Variants in ZNF76 observed in about 807,000 individuals in gnomAD.
ZNF76 encodes zinc finger protein 523.
In ZNF76, 66 loss-of-function variants were observed where a neutral mutation model predicts 66.9. That is an observed-to-expected ratio of 0.99 (90% CI 0.81 to 1.21). ZNF76 has a LOEUF of 1.21. Ranked by LOEUF, ZNF76 falls within the 50% of genes most tolerant of loss-of-function variation. The probability of loss-of-function intolerance (pLI) is 0.00; values close to 1 mark genes in which losing one functional copy is unlikely to be tolerated. For missense variants in ZNF76, 729 were observed against 760.3 expected, an observed-to-expected ratio of 0.96 and a Z score of 0.48; for synonymous variants, 275 against 296.1, an observed-to-expected ratio of 0.93 and a Z score of 0.73.
chr6:35,259,890 C>T (rs976265342), intron 1 of ZNF76, 49 bp downstream of exon 1: 1 of 152,180 alleles, frequency 6.6e-6, no homozygotes, highest in Non-Finnish European at 1.5e-5. Flanking sequence ...GGCGGGAGGC[C>T]GGGCGGGCGC....
chr6:35,261,223 G>A (rs1785205431), intron 1 of ZNF76, among the ~76,000 whole-genome samples: 1 of 152,236 alleles, frequency 6.6e-6, no homozygotes, highest in Non-Finnish European at 1.5e-5. Context: ...TGTTAGAAAT[G>A]AGAAGCTGCT....
intron 1 of ZNF76, among the ~76,000 whole-genome samples, chr6:35,271,626 C>G (rs1787068076): frequency 6.6e-6 from 1 of 150,594 alleles, no homozygotes; most frequent in Non-Finnish European, 1.5e-5. Flanking sequence ...GCTGAGATTG[C>G]ACCACTGCAC....
intron 1 of ZNF76, among the ~76,000 whole-genome samples, chr6:35,266,569 C>T (rs1786115917): frequency 6.6e-6 from 1 of 152,114 alleles, no homozygotes; most frequent in Non-Finnish European, 1.5e-5. Context: ...GAGTAAGCAG[C>T]TGGATATTCA....
chr6:35,265,719 G>A (rs1785946050), intron 1 of ZNF76, among the ~76,000 whole-genome samples: 1 of 151,942 alleles, frequency 6.6e-6, no homozygotes, highest in South Asian at 2.1e-4. Context: ...GCAGGAATGT[G>A]CCCTATATAT....
At chr6:35,272,820 G>A (rs1285393790) in intron 1 of ZNF76, among the ~76,000 whole-genome samples, 3 of 151,950 alleles carry the variant, frequency 2.0e-5, no homozygotes, top group Non-Finnish European at 2.9e-5. Context: ...TTGTAGAGAC[G>A]GTGTCTGCAC....
chr6:35,284,745 C>G (rs532928899), intron 2 of ZNF76, among the ~76,000 whole-genome samples: 10 of 151,992 alleles, frequency 6.6e-5, no homozygotes, highest in South Asian at 2.1e-4. Flanking sequence ...GGGTCTTACT[C>G]TGTCACCCAG....
Position 35,293,916 on chromosome 6 carries a change from G to C in ZNF76, c.1494+1G>C. 6.2e-7 allele frequency: 1 copy of C among 1,613,434 alleles called. No homozygotes were observed. Among genetic ancestry groups the C allele is most frequent in the South Asian group, 1.1e-5 (1 of 90,992 alleles). On this transcript the variant is annotated splice_donor_variant, in intron 12 of 13. Coordinates refer to ENST00000373953, the MANE Select transcript of ZNF76 (RefSeq NM_003427.5). LOFTEE classifies it high-confidence loss of function. ...CGCCGATGGCACCCAGACGCAGCCC[G>C]TATGACCAGGCGGTTTGCTTGGGGT... is the stretch of plus-strand genomic sequence containing the variant.
At chr6:35,284,430 A>C (rs1241990722) in intron 2 of ZNF76, among the ~76,000 whole-genome samples, 1 of 148,674 alleles carries the variant, frequency 6.7e-6, no homozygotes, top group Non-Finnish European at 1.5e-5. Flanking sequence ...ACAGGACCTC[A>C]CTCTGTCACC....
intron 11 of ZNF76, among the ~76,000 whole-genome samples, 199 bp downstream of exon 11, chr6:35,293,243 C>G (rs2150378775): frequency 6.6e-6 from 1 of 152,346 alleles, no homozygotes; most frequent in African/African-American, 2.4e-5. Flanking sequence ...AGCTCAGTCT[C>G]TGGGGCTTCT....
At position 35,290,683 on chromosome 6, in the gene ZNF76, G is replaced by A; in HGVS notation, c.592G>A (p.Asp198Asn). 6 of 1,614,214 alleles carry A rather than the reference G, an allele frequency of 3.7e-6. No homozygotes were observed. Among genetic ancestry groups the A allele is most frequent in the Non-Finnish European group, 3.4e-6 (4 of 1,180,028 alleles). Residue 198 changes from aspartate (D) to asparagine (N), a missense_variant, in exon 7 of 14, where the codon GAC becomes AAC. Coordinates refer to ENST00000373953, the MANE Select transcript of ZNF76 (RefSeq NM_003427.5). ...TACAGGTGACCGTCCATACAGATGT[G>A]ACTTCCCCAGCTGTGGAAAGGCCTT... ...AHTGDRPYRC[D>N]FPSCGKAFAT...
chr6:35,280,833 T>C (rs1788675121), intron 1 of ZNF76, among the ~76,000 whole-genome samples: 1 of 152,234 alleles, frequency 6.6e-6, no homozygotes, highest in African/African-American at 2.4e-5. Flanking sequence ...TTTCTTACTT[T>C]ATGACCAGTT....
intron 1 of ZNF76, among the ~76,000 whole-genome samples, chr6:35,275,621 C>G (rs1787782347): frequency 6.6e-6 from 1 of 152,134 alleles, no homozygotes; most frequent in Admixed American, 6.5e-5. Flanking sequence ...CAGTCAGGCT[C>G]TTTTGGAAGG....
chr6:35,277,483 G>A (rs981339284), intron 1 of ZNF76, among the ~76,000 whole-genome samples: 4 of 152,162 alleles, frequency 2.6e-5, no homozygotes, highest in African/African-American at 4.8e-5. Context: ...TCTGTGCTTC[G>A]CAGCATAGTA....
rs914962242 is a variant in ZNF76 at position 35,286,111 on chromosome 6, A to C, written c.74-17A>C. 1 of 1,612,952 alleles carries C rather than the reference A, an allele frequency of 6.2e-7. No individual in the cohort carries two copies. Among genetic ancestry groups the C allele is most frequent in the Admixed American group, 1.7e-5 (1 of 60,002 alleles). On this transcript the variant is annotated splice_polypyrimidine_tract_variant and intron_variant, in intron 2 of 13. Transcript: ENST00000373953. The stretch of plus-strand genomic sequence containing the variant: ...TTCTGGTCCTGGCCCATTTCTCTCT[A>C]TTTCCACTCTTAACAGGAGAGAAGC...
At chr6:35,265,104 G>A (rs1785810018) in intron 1 of ZNF76, among the ~76,000 whole-genome samples, 1 of 152,150 alleles carries the variant, frequency 6.6e-6, no homozygotes, top group South Asian at 2.1e-4. Context: ...TAGGTACTGG[G>A]AATAGAGCAG....
intron 6 of ZNF76, 92 bp downstream of exon 6, chr6:35,290,474 C>T: frequency 6.4e-7 from 1 of 1,568,676 alleles, no homozygotes; most frequent in Non-Finnish European, 8.7e-7. Flanking sequence ...TGGTCCCTGC[C>T]CTCACGTTGC....
At chr6:35,268,877 C>T (rs2150342926) in intron 1 of ZNF76, among the ~76,000 whole-genome samples, 1 of 152,038 alleles carries the variant, frequency 6.6e-6, no homozygotes. Flanking sequence ...AGTGCTGTTT[C>T]CTAAAGCTGC....
chr6:35,278,608 G>A (rs1788284207), intron 1 of ZNF76, among the ~76,000 whole-genome samples: 1 of 152,244 alleles, frequency 6.6e-6, no homozygotes, highest in Admixed American at 6.5e-5. Flanking sequence ...GATATCGGTT[G>A]GTAAGTCGTG....
chr6:35,277,777 GAAT>G (rs1788130658), intron 1 of ZNF76, among the ~76,000 whole-genome samples: 1 of 152,218 alleles, frequency 6.6e-6, no homozygotes, highest in East Asian at 1.9e-4. Flanking sequence ...CAGAATGAAT[GAAT>G]AATTCTAGTT....
Sources: allele counts gnomAD v4.1 joint callset (sites outside exome capture counted in the v4.1 genomes callset), GRCh38; gene constraint gnomAD v4.1.1; transcripts MANE v1.5; gene names NCBI Gene and HGNC (gene_info 2026-07-23, HGNC 2026-07-21).